The following ULK2 variants were observed in gnomAD, a reference collection of about 807,000 sequenced individuals.
ULK2 encodes unc-51 like autophagy activating kinase 2.
In ULK2, 76 loss-of-function variants were observed where a neutral mutation model predicts 127.5. The ratio of observed to expected loss-of-function variants is 0.60; its 90% CI spans 0.50 to 0.72. The LOEUF (loss-of-function observed/expected upper bound fraction) is 0.72, where lower values mean the gene tolerates loss of function less well. Ranked by LOEUF, ULK2 falls within the 30% of genes least tolerant of loss-of-function variation. The probability of loss-of-function intolerance (pLI) is 0.00; values close to 1 mark genes in which losing one functional copy is unlikely to be tolerated. For missense variants in ULK2, 1,144 were observed against 1,295.9 expected (o/e 0.88, Z 1.80); for synonymous variants, 452 against 461.9 (o/e 0.98, Z 0.28).
intron 4 of ULK2, 57 bp downstream of exon 4, chr17:19,849,683 CTA>C: frequency 4.2e-6 from 4 of 942,550 alleles, no homozygotes; most frequent in Non-Finnish European, 6.1e-6. Context: ...ATGCTAGAAT[CTA>C]AAAAAAAAAA....
In ULK2 at chr17:19,810,012, A is replaced by G. The variant is rs200094991; in HGVS notation, c.1157+366T>C. Among the ~76,000 whole-genome samples, 16 of 152,280 alleles carry G rather than the reference A, an allele frequency of 1.1e-4. No individual in the cohort carries two copies. In the East Asian group the frequency reaches 2.7e-3, roughly 26 times the overall value. ...TCTGGGAGGCCAAGGCGGGCGGATC[A>G]TGAGATCAGGAGATCGAGACCATCC... On this transcript the variant is annotated intron_variant, in intron 14 of 26. Coordinates refer to ENST00000395544, the MANE Select transcript of ULK2 (RefSeq NM_014683.4).
intron 15 of ULK2, among the ~76,000 whole-genome samples, chr17:19,803,893 C>T (rs2152386998): frequency 6.6e-6 from 1 of 152,248 alleles, no homozygotes; most frequent in East Asian, 1.9e-4. Context: ...GTGCTATTTC[C>T]TCCCTCCACT....
At chr17:19,822,776 T>C (rs2041187033) in intron 12 of ULK2, among the ~76,000 whole-genome samples, 1 of 152,076 alleles carries the variant, frequency 6.6e-6, no homozygotes, top group African/African-American at 2.4e-5. Flanking sequence ...AACCTCCGCC[T>C]CCCGGGTTCA....
intron 3 of ULK2, among the ~76,000 whole-genome samples, chr17:19,855,309 C>A (rs530547671): frequency 1.3e-5 from 2 of 151,656 alleles, no homozygotes; most frequent in South Asian, 4.2e-4. Context: ...GAGGCTGAGG[C>A]AGGAGAATGG....
chr17:19,848,297 C>T (rs185372263), intron 5 of ULK2: 4 of 152,220 alleles, frequency 2.6e-5, no homozygotes, highest in East Asian at 1.9e-4. Context: ...TTAAATTATT[C>T]GTGATGCATG....
intron 20 of ULK2, among the ~76,000 whole-genome samples, chr17:19,792,854 A>G (rs2087185878): frequency 1.3e-5 from 2 of 152,236 alleles, no homozygotes; most frequent in Admixed American, 1.3e-4. Context: ...AAGAACAAAA[A>G]AGAAAAACTC....
chr17:19,840,581 A>C, intron 9 of ULK2: 1 of 257,592 alleles, frequency 3.9e-6, no homozygotes, highest in Non-Finnish European at 7.6e-6. Context: ...AAAAAAAAAA[A>C]AAAGCATACA....
chr17:19,857,478 T>C (rs1475356679), intron 3 of ULK2, among the ~76,000 whole-genome samples: 1 of 152,210 alleles, frequency 6.6e-6, no homozygotes, highest in Non-Finnish European at 1.5e-5. Flanking sequence ...AGCTTTTAAT[T>C]CATTTGGAAA....
intron 9 of ULK2, among the ~76,000 whole-genome samples, chr17:19,840,942 C>T (rs889586032): frequency 6.6e-6 from 1 of 152,036 alleles, no homozygotes; most frequent in Non-Finnish European, 1.5e-5. Flanking sequence ...GGAACATCAT[C>T]TGTGATGTGC....
At chr17:19,821,295 A>C (rs1478636575) in intron 12 of ULK2, among the ~76,000 whole-genome samples, 1 of 152,208 alleles carries the variant, frequency 6.6e-6, no homozygotes, top group Admixed American at 6.5e-5. Context: ...TGACAGAGTG[A>C]GACTCTGTCT....
intron 14 of ULK2, among the ~76,000 whole-genome samples, chr17:19,809,121 A>C (rs2087573387): frequency 6.6e-6 from 1 of 152,224 alleles, no homozygotes; most frequent in South Asian, 2.1e-4. Flanking sequence ...CACATACCAC[A>C]ACATGGATGA....
intron 3 of ULK2, among the ~76,000 whole-genome samples, chr17:19,860,688 C>G (rs897736415): frequency 6.6e-6 from 1 of 151,928 alleles, no homozygotes; most frequent in Non-Finnish European, 1.5e-5. Flanking sequence ...CCATGCCCAG[C>G]TAATTTTGTA....
intron 11 of ULK2, among the ~76,000 whole-genome samples, chr17:19,825,742 T>C (rs931907524): frequency 2.7e-5 from 4 of 149,642 alleles, no homozygotes; most frequent in African/African-American, 9.9e-5. Context: ...ATTCCAGCAC[T>C]TTGTGGGGCT....
At chr17:19,860,080 G>A (rs757394145) in intron 3 of ULK2, among the ~76,000 whole-genome samples, 21 of 152,100 alleles carry the variant, frequency 1.4e-4, no homozygotes, top group African/African-American at 2.7e-4. Flanking sequence ...TTGCATTTCT[G>A]TACAAACACT....
chr17:19,785,277 T>A (rs955374681), intron 21 of ULK2, among the ~76,000 whole-genome samples: 5 of 152,150 alleles, frequency 3.3e-5, no homozygotes. Context: ...AATGGCGCAA[T>A]CTCGGCTCAC....
intron 20 of ULK2, among the ~76,000 whole-genome samples, chr17:19,789,427 C>T (rs1400244139): frequency 2.0e-5 from 3 of 152,168 alleles, no homozygotes; most frequent in Non-Finnish European, 2.9e-5. Context: ...CCAAGAAGGA[C>T]GGGTACAGAT....
At position 19,777,706 on chromosome 17, in the gene ULK2, G is replaced by A. The variant is rs927113280; in HGVS notation, c.2927C>T (p.Ala976Val). 1.2e-6 allele frequency: 2 copies of A among 1,610,038 alleles called. No individual in the cohort carries two copies. The highest frequency in any genetic ancestry group is 1.1e-5 in the South Asian group (1 of 89,928). ...YNCAVEMVQSAALDEMFQQTE... is the reference protein window; with the variant it reads ...YNCAVEMVQSVALDEMFQQTE... ...CTGCTGAAACATCTCATCCAGGGCTGCAGACTGAACCTGGAACCAGTCAAC... is the reference window on the plus strand; with the variant it reads ...CTGCTGAAACATCTCATCCAGGGCTACAGACTGAACCTGGAACCAGTCAAC... Residue 976 changes from alanine (A) to valine (V), a missense_variant, in exon 26 of 27, where the codon GCA becomes GTA. Ala to Val is a moderately conservative substitution (Grantham distance 64). Transcript: ENST00000395544.
At chr17:19,799,957 T>C (rs1027296384) in intron 16 of ULK2, among the ~76,000 whole-genome samples, 2 of 152,236 alleles carry the variant, frequency 1.3e-5, no homozygotes, top group Non-Finnish European at 2.9e-5. Flanking sequence ...GTGCCAAGGC[T>C]AGGCTTCCCC....
Position 19,776,105 on chromosome 17 carries a change from CCAAA to C in ULK2, c.*240_*243del. The C allele has an allele frequency of 2.2e-6, 1 of 457,244 alleles. No individual in the cohort carries two copies. Among genetic ancestry groups the C allele is most frequent in the South Asian group, 4.5e-5 (1 of 22,278 alleles). 28.3% of individuals were successfully genotyped at this position (457,244 alleles called of 1,614,324 possible). On this transcript the variant is annotated 3_prime_UTR_variant, in exon 27 of 27. Coordinates refer to ENST00000395544, the MANE Select transcript of ULK2 (RefSeq NM_014683.4). ...TTATTCACCAAGTCCAAACTGGGAG[CCAAA>C]CACTCTTGCTCCTGCTTCTACAAAG...
Sources: allele counts gnomAD v4.1 joint callset (sites outside exome capture counted in the v4.1 genomes callset), GRCh38; gene constraint gnomAD v4.1.1; transcripts MANE v1.5; gene names NCBI Gene and HGNC (gene_info 2026-07-23, HGNC 2026-07-21).